BMPR1B: variants seen among roughly 807,000 people sequenced by gnomAD.
The protein encoded by BMPR1B is bone morphogenetic protein receptor type-1B.
In BMPR1B, 12 loss-of-function variants were observed where a neutral mutation model predicts 59.1. The observed-to-expected ratio is 0.20, with a 90% CI of 0.13 to 0.33. The LOEUF is 0.33. Ranked by LOEUF, BMPR1B falls within the 10% of genes least tolerant of loss-of-function variation. BMPR1B has a pLI of 1.00. For synonymous variants in BMPR1B, 237 were observed against 207.3 expected, an observed-to-expected ratio of 1.14 and a Z score of -1.23; for missense variants, 550 against 610.9, an observed-to-expected ratio of 0.90 and a Z score of 1.05.
intron 2 of BMPR1B, among the ~76,000 whole-genome samples, chr4:94,954,913 GTTATTA>G (rs756527382): frequency 3.9e-4 from 59 of 152,158 alleles, no homozygotes; most frequent in Non-Finnish European, 7.2e-4. Context: ...TCTTACTACT[GTTATTA>G]TTATTATATA....
intron 1 of BMPR1B, among the ~76,000 whole-genome samples, chr4:94,841,435 C>G (rs1481947152): frequency 6.6e-6 from 1 of 152,200 alleles, no homozygotes; most frequent in African/African-American, 2.4e-5. Context: ...GTAGGACCCT[C>G]CGAGCCAGGT....
At chr4:94,841,934 G>A (rs2148936248) in intron 1 of BMPR1B, among the ~76,000 whole-genome samples, 1 of 152,270 alleles carries the variant, frequency 6.6e-6, no homozygotes, top group African/African-American at 2.4e-5. Context: ...TAAAGGGACT[G>A]ACTGCTGGAC....
chr4:94,850,943 G>A (rs935183950), intron 1 of BMPR1B, among the ~76,000 whole-genome samples: 2 of 152,182 alleles, frequency 1.3e-5, no homozygotes, highest in African/African-American at 4.8e-5. Context: ...TGTGGCTAGT[G>A]CAATGACTGG....
intron 2 of BMPR1B, among the ~76,000 whole-genome samples, chr4:94,908,752 C>T (rs1319927378): frequency 1.3e-5 from 2 of 152,012 alleles, no homozygotes; most frequent in African/African-American, 2.4e-5. Flanking sequence ...TTAAAGCATT[C>T]ACCGAAGTCA....
chr4:95,130,479 G>A (rs564464468), intron 9 of BMPR1B, among the ~76,000 whole-genome samples: 92 of 152,192 alleles, frequency 6.0e-4, no homozygotes, highest in Middle Eastern at 6.8e-3. Context: ...TGTCTGGATC[G>A]TTCAAGTAGA....
At chr4:94,764,677 T>C (rs1472577273) in intron 1 of BMPR1B, among the ~76,000 whole-genome samples, 1 of 152,202 alleles carries the variant, frequency 6.6e-6, no homozygotes, top group Non-Finnish European at 1.5e-5. Flanking sequence ...CCCCAAATTA[T>C]ATGCTTCTGT....
In BMPR1B at chr4:94,834,363, G is replaced by T. The variant is rs576027518; in HGVS notation, c.-182-41468G>T. The stretch of plus-strand genomic sequence containing the variant: ...ATATGCTTATCTTCCTTATCTTCCT[G>T]CCATCTCTTATACTGTCCCATTTTC... On this transcript the variant is annotated intron_variant, in intron 1 of 12. Transcript: ENST00000515059. Among the ~76,000 whole-genome samples, 10 of 152,166 alleles carry T rather than the reference G, an allele frequency of 6.6e-5. No individual in the cohort carries two copies. In the South Asian group the frequency reaches 2.1e-3, roughly 32 times the overall value.
intron 12 of BMPR1B, among the ~76,000 whole-genome samples, chr4:95,153,742 C>T (rs756357717): frequency 3.9e-5 from 6 of 152,014 alleles, no homozygotes; most frequent in African/African-American, 9.7e-5. Flanking sequence ...CCCACCTACT[C>T]GGGAGATTGA....
At chr4:94,849,822 T>G (rs1247136678) in intron 1 of BMPR1B, among the ~76,000 whole-genome samples, 4 of 86,258 alleles carry the variant, frequency 4.6e-5, no homozygotes, top group Non-Finnish European at 9.7e-5. Flanking sequence ...GTGTGTGTGT[T>G]TTAGTTTCTG....
chr4:94,826,004 T>C (rs1241907104), intron 1 of BMPR1B, among the ~76,000 whole-genome samples: 1 of 152,210 alleles, frequency 6.6e-6, no homozygotes, highest in Admixed American at 6.5e-5. Context: ...TGCCATTGGT[T>C]ATTGGAACAG....
At position 95,071,638 on chromosome 4, in the gene BMPR1B, GTGTGTGTGTGTGTGTATA is replaced by G. The variant is rs1335831873; in HGVS notation, c.-17-32768_-17-32751del. Among the ~76,000 whole-genome samples, 472 of 85,896 alleles carry G rather than the reference GTGTGTGTGTGTGTGTATA, an allele frequency of 5.5e-3. 5 individuals carry two copies. The highest frequency in any genetic ancestry group is 0.02 in the Middle Eastern group (3 of 152). The allele number at this position is 85,896 out of a possible 152,430, so 56.4% of individuals were successfully genotyped here. ...TATGAATATATATGTGTGTTTGTGT[GTGTGTGTGTGTGTGTATA>G]TATATATATATATATATATATATAT... On this transcript the variant is annotated intron_variant, in intron 3 of 12. Coordinates refer to ENST00000515059, the MANE Select transcript of BMPR1B (RefSeq NM_001203.3).
intron 1 of BMPR1B, among the ~76,000 whole-genome samples, chr4:94,866,644 G>T (rs543030844): frequency 2.0e-5 from 3 of 152,226 alleles, no homozygotes. Context: ...GAGTGCAGTG[G>T]CATGATCTCG....
intron 10 of BMPR1B, among the ~76,000 whole-genome samples, chr4:95,140,837 A>G (rs1455284170): frequency 6.6e-6 from 1 of 152,176 alleles, no homozygotes; most frequent in African/African-American, 2.4e-5. Flanking sequence ...ATAGACCTTA[A>G]AACAAAAAAG....
chr4:94,879,629 A>G (rs1368180000), intron 2 of BMPR1B, among the ~76,000 whole-genome samples: 1 of 152,180 alleles, frequency 6.6e-6, no homozygotes, highest in Non-Finnish European at 1.5e-5. Context: ...AAAAATAAAT[A>G]AAATACATTT....
chr4:94,823,249 G>C lies in BMPR1B; in HGVS notation c.-182-52582G>C, dbSNP rs150662659. Among the ~76,000 whole-genome samples the C allele has an allele frequency of 3.0e-3, 459 of 152,288 alleles. 3 individuals carry two copies. The highest frequency in any genetic ancestry group is 6.8e-3 in the Middle Eastern group (2 of 294). On this transcript the variant is annotated intron_variant, in intron 1 of 12. Coordinates refer to ENST00000515059, the MANE Select transcript of BMPR1B (RefSeq NM_001203.3). ...TGTAAAAGAGTTCTGAGATAAAACT[G>C]CTTTCCAAAATTTTGGTTAAAGCTA... is the stretch of plus-strand genomic sequence containing the variant.
At chr4:94,794,718 T>C (rs1476932110) in intron 1 of BMPR1B, among the ~76,000 whole-genome samples, 2 of 152,132 alleles carry the variant, frequency 1.3e-5, no homozygotes, top group African/African-American at 4.8e-5. Context: ...GTAGTTCTCC[T>C]TGAAGAGGTC....
At chr4:94,857,723 A>G (rs930167890) in intron 1 of BMPR1B, among the ~76,000 whole-genome samples, 1 of 152,178 alleles carries the variant, frequency 6.6e-6, no homozygotes, top group Non-Finnish European at 1.5e-5. Flanking sequence ...GTGTTAGCTC[A>G]TTATAGGCTC....
At chr4:94,902,376 G>A (rs1413071646) in intron 2 of BMPR1B, among the ~76,000 whole-genome samples, 1 of 151,450 alleles carries the variant, frequency 6.6e-6, no homozygotes, top group South Asian at 2.1e-4. Flanking sequence ...GAACACAATT[G>A]TGTCTGTTAT....
chr4:94,824,678 AATTTT>A (rs1288630170), intron 1 of BMPR1B, among the ~76,000 whole-genome samples: 5 of 152,214 alleles, frequency 3.3e-5, no homozygotes, highest in African/African-American at 1.2e-4. Context: ...GGCAAATAAG[AATTTT>A]ATTTAAAAGA....
Sources: gnomAD v4.1 joint callset for allele counts (sites outside exome capture counted in the v4.1 genomes callset) on GRCh38, gnomAD v4.1.1 for gene constraint, MANE v1.5 for transcripts, NCBI Gene and HGNC (gene_info 2026-07-23, HGNC 2026-07-21) for gene names.